BAZ1A: variants seen among roughly 807,000 people sequenced by gnomAD.
The protein encoded by BAZ1A is bromodomain adjacent to zinc finger domain protein 1A.
Under a neutral mutation model 185.2 loss-of-function variants are expected in BAZ1A, and 50 were observed. The observed-to-expected ratio is 0.27, with a 90% CI of 0.22 to 0.34. The LOEUF (loss-of-function observed/expected upper bound fraction) is 0.34, where lower values mean the gene tolerates loss of function less well. BAZ1A is among the 10% of genes least tolerant of loss of function. The pLI is 1.00. For missense variants in BAZ1A, 1,356 were observed against 1,839.9 expected (o/e 0.74, Z 4.81); for synonymous variants, 571 against 615.6 (o/e 0.93, Z 1.07).
chr14:34,758,686 A>G lies in BAZ1A; in HGVS notation c.4386+18T>C, dbSNP rs1886376991. 1 of 1,612,030 alleles carries G rather than the reference A, an allele frequency of 6.2e-7. No individual in the cohort carries two copies. The highest frequency in any genetic ancestry group is 1.3e-5 in the African/African-American group (1 of 74,840). ...CAGATAATATACAGGAATACATTTT[A>G]TCAAGTCTAGTAATTACCTGGATTT... On this transcript the variant is annotated intron_variant, in intron 25 of 26. Transcript: ENST00000360310.
At chr14:34,800,196 A>G in intron 9 of BAZ1A, 28 bp downstream of exon 9, 1 of 1,347,096 alleles carries the variant, frequency 7.4e-7, no homozygotes, top group Non-Finnish European at 1.0e-6. Flanking sequence ...ATATGTAGAG[A>G]GTATAGCTAA....
Position 34,762,043 on chromosome 14 carries a change from G to A in BAZ1A, c.3957C>T (p.Asn1319=), listed in dbSNP as rs370552302. ...ATTTTGTTTCTGTAGGAGGAGCAGA[G>A]TTTATCTTTCTTAGGCTTCTACCAG... The part of the protein sequence containing the change: ...SKTGRSLRKI[N]SAPPTETKSL... Residue 1319 remains asparagine (N), a synonymous_variant, in exon 24 of 27, where the codon AAC becomes AAT. Coordinates refer to ENST00000360310, the MANE Select transcript of BAZ1A (RefSeq NM_013448.3). 37 of 1,614,214 alleles carry A rather than the reference G, an allele frequency of 2.3e-5. 1 individual carries two copies. The highest frequency in any genetic ancestry group is 1.5e-4 in the South Asian group (14 of 91,080).
intron 16 of BAZ1A, among the ~76,000 whole-genome samples, chr14:34,781,992 T>A (rs1006889663): frequency 3.9e-5 from 6 of 152,256 alleles, no homozygotes; most frequent in African/African-American, 1.4e-4. Context: ...ATAATGCTGC[T>A]ATGAACATTT....
At position 34,774,071 on chromosome 14, in the gene BAZ1A, C is replaced by A. The variant is rs141706221; in HGVS notation, c.2997+256G>T. Among the ~76,000 whole-genome samples the A allele has an allele frequency of 8.5e-3, 1,300 of 152,236 alleles. 4 individuals carry two copies. The highest frequency in any genetic ancestry group is 0.013 in the Non-Finnish European group (898 of 67,994). On this transcript the variant is annotated intron_variant, in intron 19 of 26. Transcript: ENST00000360310. Reference sequence around the variant, plus strand: ...AAAAGGTAACAAAGAAACCAACAAACCAACCAGACTCAGCAGAGAAGGCAG... The same window carrying A: ...AAAAGGTAACAAAGAAACCAACAAAACAACCAGACTCAGCAGAGAAGGCAG...
intron 3 of BAZ1A, among the ~76,000 whole-genome samples, chr14:34,847,049 A>C (rs1447629751): frequency 6.6e-6 from 1 of 152,080 alleles, no homozygotes; most frequent in Non-Finnish European, 1.5e-5. Flanking sequence ...TCAGGAGTTC[A>C]AGACCAGCCT....
rs544663441 is a variant in BAZ1A at position 34,772,613 on chromosome 14, AATACTT to A, written c.3152+953_3153-955del. ...TAGATTCTGATTAGTAATAATATTT[AATACTT>A]ATACTTATTTAGAGATGAGGTCTCA... On this transcript the variant is annotated intron_variant, in intron 20 of 26. Transcript: ENST00000360310. 3.5e-4 allele frequency among the ~76,000 whole-genome samples: 53 copies of A among 152,296 alleles called. No homozygotes were observed. In the East Asian group the frequency reaches 5.2e-3, roughly 15 times the overall value.
At chr14:34,793,879 T>C (rs921897956) in intron 11 of BAZ1A, among the ~76,000 whole-genome samples, 1 of 151,374 alleles carries the variant, frequency 6.6e-6, no homozygotes, top group Non-Finnish European at 1.5e-5. Flanking sequence ...GAGGTGGAGG[T>C]TGCAGTGAGC....
intron 21 of BAZ1A, 75 bp from the exon 22 acceptor site, chr14:34,765,343 G>T: frequency 6.6e-7 from 1 of 1,525,308 alleles, no homozygotes; most frequent in Non-Finnish European, 8.9e-7. Flanking sequence ...TTTGTTGGTA[G>T]TTTAAATATA....
intron 3 of BAZ1A, among the ~76,000 whole-genome samples, chr14:34,859,672 A>T (rs572365253): frequency 1.9e-4 from 29 of 152,178 alleles, no homozygotes; most frequent in Admixed American, 1.0e-3. Context: ...TCCCCAATTA[A>T]TCTTTTTCAT....
intron 3 of BAZ1A, among the ~76,000 whole-genome samples, chr14:34,854,802 C>T (rs1245444600): frequency 6.6e-6 from 1 of 151,862 alleles, no homozygotes; most frequent in Non-Finnish European, 1.5e-5. Flanking sequence ...AGTGTTGGCT[C>T]GGCACAGTGG....
chr14:34,796,726 C>T (rs968479523), intron 9 of BAZ1A, among the ~76,000 whole-genome samples: 3 of 152,106 alleles, frequency 2.0e-5, no homozygotes, highest in Non-Finnish European at 4.4e-5. Flanking sequence ...TTATTATTCT[C>T]TTCTTTGAAA....
chr14:34,757,940 G>A (rs891695531), intron 25 of BAZ1A, among the ~76,000 whole-genome samples: 3 of 150,784 alleles, frequency 2.0e-5, no homozygotes, highest in Non-Finnish European at 3.0e-5. Context: ...GTAGAGATGG[G>A]GTTTCACTGT....
chr14:34,840,645 G>A (rs985638846), intron 3 of BAZ1A, among the ~76,000 whole-genome samples: 2 of 151,934 alleles, frequency 1.3e-5, no homozygotes, highest in African/African-American at 2.4e-5. Context: ...TGTAATCCCA[G>A]CTACTCGGGA....
At chr14:34,759,905 C>T (rs1436254512) in intron 24 of BAZ1A, among the ~76,000 whole-genome samples, 1 of 152,010 alleles carries the variant, frequency 6.6e-6, no homozygotes, top group African/African-American at 2.4e-5. Flanking sequence ...CAACTCCTCA[C>T]CTCAAGTGAT....
intron 15 of BAZ1A, 108 bp from the exon 16 acceptor site, chr14:34,783,340 A>G: frequency 1.4e-6 from 1 of 710,958 alleles, no homozygotes; most frequent in Non-Finnish European, 2.3e-6. Context: ...CATTATTATA[A>G]AACTATAATG....
At chr14:34,804,958 T>C (rs1264495417) in intron 6 of BAZ1A, among the ~76,000 whole-genome samples, 1 of 152,164 alleles carries the variant, frequency 6.6e-6, no homozygotes, top group Non-Finnish European at 1.5e-5. Context: ...CTCATCCAGA[T>C]CTCATGTGGA....
intron 7 of BAZ1A, among the ~76,000 whole-genome samples, chr14:34,802,321 T>C (rs1417003782): frequency 6.6e-6 from 1 of 152,140 alleles, no homozygotes; most frequent in Non-Finnish European, 1.5e-5. Flanking sequence ...CCTCAGCCTC[T>C]GTCTGCCTCC....
rs749785916 is a variant in BAZ1A, at chr14:34,862,144, G to A, written c.292C>T (p.Arg98Cys). The stretch of plus-strand genomic sequence containing the variant: ...TCACAAATTTCATGTAAGCGCGAAC[G>A]ATGGGTAAGGCTGGTCAAGTATAAA... Reference protein sequence around the residue: ...PVLYLTSLTHRSRLHEICDDI... With the variant: ...PVLYLTSLTHCSRLHEICDDI... The change falls in exon 3 of 27, where the codon CGT becomes TGT. Residue 98 changes from arginine to cysteine, a missense_variant. Coordinates refer to ENST00000360310, the MANE Select transcript of BAZ1A (RefSeq NM_013448.3). 4 of 1,614,014 alleles carry A rather than the reference G, an allele frequency of 2.5e-6. No individual in the cohort carries two copies. The highest frequency in any genetic ancestry group is 1.3e-5 in the African/African-American group (1 of 74,902).
chr14:34,760,488 C>CTTT (rs5807795), intron 24 of BAZ1A, among the ~76,000 whole-genome samples: 89 of 139,582 alleles, frequency 6.4e-4, no homozygotes, highest in African/African-American at 2.2e-3. Flanking sequence ...AGAACAGTGG[C>CTTT]TTTTTTTTTT....
Sources: gnomAD v4.1 joint callset for allele counts (sites outside exome capture counted in the v4.1 genomes callset) on GRCh38, gnomAD v4.1.1 for gene constraint, MANE v1.5 for transcripts, NCBI Gene and HGNC (gene_info 2026-07-23, HGNC 2026-07-21) for gene names.